Variants in PCDHA3 observed in about 807,000 individuals in gnomAD.
The protein encoded by PCDHA3 is protocadherin alpha-3.
PCDHA3 carries 41 observed loss-of-function variants against 62.2 expected under a neutral mutation model. The ratio of observed to expected loss-of-function variants is 0.66; its 90% CI spans 0.51 to 0.86. The LOEUF (loss-of-function observed/expected upper bound fraction) is 0.86. PCDHA3 is among the 40% of genes least tolerant of loss of function. The pLI is 0.00. For missense variants in PCDHA3, 1,304 were observed against 1,241.2 expected, an observed-to-expected ratio of 1.05 and a Z score of -0.76; for synonymous variants, 640 against 555.4, an observed-to-expected ratio of 1.15 and a Z score of -2.14.
intron 1 of PCDHA3, chr5:140,803,960 T>C (rs1030150436): frequency 4.2e-5 from 14 of 336,202 alleles, no homozygotes; most frequent in Non-Finnish European, 7.0e-5. Flanking sequence ...CAATATCTTT[T>C]GCCACTTTTC....
chr5:140,822,628 C>A (rs1170983907), intron 1 of PCDHA3: 4 of 1,610,966 alleles, frequency 2.5e-6, no homozygotes, highest in Non-Finnish European at 3.4e-6. Flanking sequence ...TAATCTTGTT[C>A]TTGACGATGT....
At chr5:140,876,861 C>T (rs2056651575) in intron 1 of PCDHA3, 6 of 1,613,970 alleles carry the variant, frequency 3.7e-6, no homozygotes, top group African/African-American at 1.3e-5. Context: ...ACACAGTGTT[C>T]GTGAAGGAGA....
chr5:140,929,078 G>A lies in PCDHA3; in HGVS notation c.2395-49871G>A, dbSNP rs144524128. On this transcript the variant is annotated intron_variant, in intron 1 of 3. Coordinates refer to ENST00000522353, the MANE Select transcript of PCDHA3 (RefSeq NM_018906.3). ...TCTACAGAGGATCTGAGGTATGGAA[G>A]TAAGATGGTTTCAAATCCTTGCATG... 20 of 1,614,208 alleles carry A rather than the reference G, an allele frequency of 1.2e-5. No individual in the cohort carries two copies. The African/African-American group carries it at 2.3e-4, about 18-fold the overall frequency.
At chr5:140,864,054 C>T (rs575153653) in intron 1 of PCDHA3, 20 of 152,698 alleles carry the variant, frequency 1.3e-4, no homozygotes, top group African/African-American at 4.6e-4. Flanking sequence ...TTACTACAGT[C>T]ACCATGAACA....
chr5:140,857,694 C>A (rs1554150531), intron 1 of PCDHA3: 1 of 1,597,142 alleles, frequency 6.3e-7, no homozygotes. Flanking sequence ...AGCAACTTGA[C>A]GCTGCAGGTG....
In PCDHA3 at chr5:140,928,822, C is replaced by G. The variant is rs782187448; in HGVS notation, c.2395-50127C>G. ...GGTAGTGGTTCGGGACCATGGAGAC[C>G]CACCACTTTCCTCCTCTGTCACTCT... On this transcript the variant is annotated intron_variant, in intron 1 of 3. Coordinates refer to ENST00000522353, the MANE Select transcript of PCDHA3 (RefSeq NM_018906.3). 6 of 1,614,116 alleles carry G rather than the reference C, an allele frequency of 3.7e-6. No individual in the cohort carries two copies. The South Asian group carries it at 6.6e-5, about 18-fold the overall frequency.
In PCDHA3 at chr5:140,802,350, G is replaced by T. The variant is rs1175732642; in HGVS notation, c.1153G>T (p.Val385Phe). 1.2e-6 allele frequency: 2 copies of T among 1,614,250 alleles called. No individual in the cohort carries two copies. The highest frequency in any genetic ancestry group is 2.2e-5 in the East Asian group (1 of 44,888). The change falls in exon 1 of 4, where the codon GTC (valine) becomes TTC (phenylalanine). Residue 385 changes from valine (V) to phenylalanine (F), a missense_variant. Transcript: ENST00000522353. ...SDRDSGVNGQ[V>F]TCSLTPHVPF... ...CCGCGACTCAGGAGTCAATGGACAGGTCACCTGCTCGCTGACGCCCCACGT... is the reference window on the plus strand; with the variant it reads ...CCGCGACTCAGGAGTCAATGGACAGTTCACCTGCTCGCTGACGCCCCACGT...
intron 1 of PCDHA3, among the ~76,000 whole-genome samples, chr5:140,937,865 T>C (rs1056873213): frequency 2.0e-5 from 3 of 149,988 alleles, no homozygotes; most frequent in Non-Finnish European, 2.9e-5. Context: ...TGAGCCGAGA[T>C]CGCGCCACTG....
At chr5:140,956,717 A>C (rs2153710827) in intron 1 of PCDHA3, among the ~76,000 whole-genome samples, 1 of 152,308 alleles carries the variant, frequency 6.6e-6, no homozygotes. Flanking sequence ...CTTCAGAAGA[A>C]TTGGTACCAG....
At chr5:140,975,765 CAG>C (rs1179625862) in intron 1 of PCDHA3, among the ~76,000 whole-genome samples, 1 of 152,220 alleles carries the variant, frequency 6.6e-6, no homozygotes, top group Non-Finnish European at 1.5e-5. Flanking sequence ...TCATAAATCA[CAG>C]ATAATACCAT....
At chr5:140,947,192 C>G (rs958443362) in intron 1 of PCDHA3, among the ~76,000 whole-genome samples, 27 of 151,038 alleles carry the variant, frequency 1.8e-4, no homozygotes, top group African/African-American at 6.6e-4. Flanking sequence ...GTATACTACA[C>G]AGCCTTAAAA....
chr5:140,928,570 C>T (rs2085340367), intron 1 of PCDHA3: 1 of 1,614,196 alleles, frequency 6.2e-7, no homozygotes, highest in African/African-American at 1.3e-5. Context: ...GTTTCCCTTG[C>T]CCAGAAATGG....
At chr5:140,955,155 C>T (rs1241099289) in intron 1 of PCDHA3, among the ~76,000 whole-genome samples, 1 of 152,088 alleles carries the variant, frequency 6.6e-6, no homozygotes, top group Non-Finnish European at 1.5e-5. Context: ...GTACCAGTAC[C>T]GTGCTGTTTT....
rs2150336386 is a variant in PCDHA3 at position 140,842,455 on chromosome 5, T to C, written c.2394+38864T>C. Reference sequence around the variant, plus strand: ...CCCTAATTAGCGTGAACGACCTCGATTCAGGTGCCAACGGGCAGGTGACCT... The same window carrying C: ...CCCTAATTAGCGTGAACGACCTCGACTCAGGTGCCAACGGGCAGGTGACCT... On this transcript the variant is annotated intron_variant, in intron 1 of 3. Coordinates refer to ENST00000522353, the MANE Select transcript of PCDHA3 (RefSeq NM_018906.3). The C allele has an allele frequency of 1.2e-6, 2 of 1,613,862 alleles. 1 individual carries two copies. Among genetic ancestry groups the C allele is most frequent in the East Asian group, 4.5e-5 (2 of 44,876 alleles).
intron 1 of PCDHA3, chr5:140,848,598 G>T (rs2150413954): frequency 1.3e-6 from 2 of 1,593,946 alleles, no homozygotes; most frequent in African/African-American, 1.3e-5. Context: ...CCACTACTCC[G>T]TCCCGGAGGA....
chr5:140,912,533 A>G (rs570012858), intron 1 of PCDHA3, among the ~76,000 whole-genome samples: 1 of 152,224 alleles, frequency 6.6e-6, no homozygotes, highest in African/African-American at 2.4e-5. Flanking sequence ...AGAGTACATG[A>G]TCATATTGTC....
intron 1 of PCDHA3, chr5:140,842,631 C>A: frequency 1.9e-6 from 3 of 1,595,224 alleles, no homozygotes; most frequent in Non-Finnish European, 2.6e-6. Context: ...TCGCTGTGGG[C>A]CACCGCCAGC....
intron 3 of PCDHA3, among the ~76,000 whole-genome samples, chr5:140,988,734 T>C (rs2097310672): frequency 1.3e-5 from 2 of 152,212 alleles, no homozygotes. Context: ...ATAGTAATTA[T>C]TCTAGGATTG....
At chr5:140,969,279 A>G (rs782221973) in intron 1 of PCDHA3, 3 of 1,614,244 alleles carry the variant, frequency 1.9e-6, no homozygotes, top group East Asian at 2.2e-5. Flanking sequence ...CAAAGTGGTC[A>G]GAATGCTGGG....
Sources: gnomAD v4.1 joint callset for allele counts (sites outside exome capture counted in the v4.1 genomes callset) on GRCh38, gnomAD v4.1.1 for gene constraint, MANE v1.5 for transcripts, NCBI Gene and HGNC (gene_info 2026-07-23, HGNC 2026-07-21) for gene names.